RPL39: variants seen among roughly 807,000 people sequenced by gnomAD.
RPL39 encodes the protein ribosomal protein L39.
For missense variants in RPL39, 6 were observed against 37.2 expected (o/e 0.16, Z 2.18); for synonymous variants, 8 against 11.4 (o/e 0.70, Z 0.60).
At chrX:119,791,190 C>T (rs1253591288) in intron 1 of RPL39, 5 of 191,181 alleles carry the variant, frequency 2.6e-5, no homozygotes, top group African/African-American at 1.2e-4. Context: ...CCTGATTACC[C>T]TCCACGTTGC....
At chrX:119,791,118 T>A (rs1426215380) in intron 1 of RPL39, 1 of 131,958 alleles carries the variant, frequency 7.6e-6, no homozygotes, top group Non-Finnish European at 1.7e-5. Flanking sequence ...GATCTAAAAA[T>A]GCGGTTCGCT....
chrX:119,789,052 C>T (rs1444778484), intron 2 of RPL39, among the ~76,000 whole-genome samples: 1 of 111,097 alleles, frequency 9.0e-6, no homozygotes, highest in Non-Finnish European at 1.9e-5. Flanking sequence ...ATTGCTTGAG[C>T]TCAGGAGTTC....
intron 2 of RPL39, chrX:119,787,217 G>A (rs989938228): frequency 4.1e-5 from 11 of 266,942 alleles, no homozygotes; most frequent in South Asian, 4.0e-4. Flanking sequence ...GAACTGGCTG[G>A]ACTTCGAGAT....
In RPL39 at chrX:119,791,626, G is replaced by A. The variant is rs777045630; in HGVS notation, c.-50C>T. ...ACCACGATGGCGGAGAAAGGAAGAG[G>A]AGGGAAGCTGGCGGAAGAACGAGCT... On this transcript the variant is annotated 5_prime_UTR_variant, in exon 1 of 3. Coordinates refer to ENST00000361575, the MANE Select transcript of RPL39 (RefSeq NM_001000.4). The A allele has an allele frequency of 1.7e-5, 19 of 1,135,139 alleles. No homozygotes were observed. Among genetic ancestry groups the A allele is most frequent in the Admixed American group, 1.1e-4 (4 of 37,390 alleles). The allele number at this position is 1,135,139 out of a possible 1,213,427, so 93.5% of individuals were successfully genotyped here. A position where few individuals can be genotyped will look rare whatever the true frequency, so the allele number is the denominator to read the frequency against.
chrX:119,790,125 ATCT>A, intron 1 of RPL39, 114 bp from the exon 2 acceptor site: 1 of 453,070 alleles, frequency 2.2e-6, no homozygotes, highest in Admixed American at 3.4e-5. Context: ...CAGCCCCAAA[ATCT>A]TCTCAATGCT....
At chrX:119,786,792 T>C in intron 2 of RPL39, 60 bp from the exon 3 acceptor site, 1 of 938,884 alleles carries the variant, frequency 1.1e-6, no homozygotes, top group Non-Finnish European at 1.5e-6. Context: ...GCTGTTCCCA[T>C]TCACATAACC....
At chrX:119,791,540 C>T in intron 1 of RPL39, 34 bp downstream of exon 1, 1 of 1,121,774 alleles carries the variant, frequency 8.9e-7, no homozygotes, top group East Asian at 3.4e-5. Context: ...TTTTGGGAAG[C>T]CACCCCGGGG....
At chrX:119,788,602 T>C (rs2055681245) in intron 2 of RPL39, among the ~76,000 whole-genome samples, 1 of 110,014 alleles carries the variant, frequency 9.1e-6, no homozygotes, top group South Asian at 3.8e-4. Flanking sequence ...CTACAACAGG[T>C]ACACAAATTA....
rs1296435453 is a variant in RPL39 at position 119,786,558 on chromosome X, A to T, written c.*126T>A. 1 of 535,494 alleles carries T rather than the reference A, an allele frequency of 1.9e-6. No individual in the cohort carries two copies. The highest frequency in any genetic ancestry group is 3.2e-6 in the Non-Finnish European group (1 of 317,032). 44.1% of individuals were successfully genotyped at this position (535,494 alleles called of 1,213,427 possible). ...CTGAATCCAGCCAACCAACGTGTTCATAACAGATTCAGAGAGGAAAACACG... is the reference window on the plus strand; with the variant it reads ...CTGAATCCAGCCAACCAACGTGTTCTTAACAGATTCAGAGAGGAAAACACG... On this transcript the variant is annotated 3_prime_UTR_variant, in exon 3 of 3. Coordinates refer to ENST00000361575, the MANE Select transcript of RPL39 (RefSeq NM_001000.4).
chrX:119,786,623 T>C lies in RPL39; in HGVS notation c.*61A>G, dbSNP rs920062841. ...TAGTGGTGACATTTTCAGCTTGATA[T>C]GGTAACATGATCGTGACCTTCAGAC... On this transcript the variant is annotated 3_prime_UTR_variant, in exon 3 of 3. Coordinates refer to ENST00000361575, the MANE Select transcript of RPL39 (RefSeq NM_001000.4). 1.5e-5 allele frequency: 13 copies of C among 874,907 alleles called. No homozygotes were observed. The highest frequency in any genetic ancestry group is 2.2e-5 in the Non-Finnish European group (13 of 604,650). 72.1% of individuals were successfully genotyped at this position (874,907 alleles called of 1,213,427 possible).
At chrX:119,791,548 G>C (rs765727033) in intron 1 of RPL39, 26 bp downstream of exon 1, 13 of 1,149,401 alleles carry the variant, frequency 1.1e-5, no homozygotes, top group Non-Finnish European at 1.4e-5. Context: ...AGCCACCCCG[G>C]GGCCGATGGG....
At chrX:119,788,637 T>C (rs1282046473) in intron 2 of RPL39, among the ~76,000 whole-genome samples, 3 of 111,677 alleles carry the variant, frequency 2.7e-5, no homozygotes, top group Non-Finnish European at 5.6e-5. Flanking sequence ...TGAACGCCTG[T>C]AGTCCCAGCT....
chrX:119,787,908 T>C (rs139642888), intron 2 of RPL39, among the ~76,000 whole-genome samples: 1,486 of 111,407 alleles, frequency 0.013, 17 homozygotes, highest in African/African-American at 0.046. Flanking sequence ...TCCTCCTGCG[T>C]TGGCCTCTCC....
At chrX:119,790,243 T>A in intron 1 of RPL39, 1 of 316,591 alleles carries the variant, frequency 3.2e-6, no homozygotes, top group South Asian at 6.6e-5. Flanking sequence ...TTAAGAAACA[T>A]GCACAAAATC....
At chrX:119,789,245 C>T (rs1031308599) in intron 2 of RPL39, among the ~76,000 whole-genome samples, 12 of 111,383 alleles carry the variant, frequency 1.1e-4, no homozygotes, top group African/African-American at 6.5e-5. Flanking sequence ...TAAAACAGAA[C>T]AAGATCCTGT....
chrX:119,791,498 C>A lies in RPL39; in HGVS notation c.3+76G>T, dbSNP rs191414667. ...GGCTCCCGCCCCTCAACGCTCCGCG[C>A]GGCCCAGGCATTTCCTGGCAGCGGC... On this transcript the variant is annotated intron_variant, in intron 1 of 2. Transcript: ENST00000361575. 9 of 974,139 alleles carry A rather than the reference C, an allele frequency of 9.2e-6. No individual in the cohort carries two copies. In the Admixed American group the frequency reaches 2.9e-4, roughly 32 times the overall value. 80.3% of individuals were successfully genotyped at this position (974,139 alleles called of 1,213,427 possible).
rs1476090204 is a variant in RPL39 at position 119,791,608 on chromosome X, T to C, written c.-32A>G. 1 of 1,163,004 alleles carries C rather than the reference T, an allele frequency of 8.6e-7. No individual in the cohort carries two copies. Among genetic ancestry groups the C allele is most frequent in the Non-Finnish European group, 1.1e-6 (1 of 870,255 alleles). On this transcript the variant is annotated 5_prime_UTR_variant, in exon 1 of 3. Coordinates refer to ENST00000361575, the MANE Select transcript of RPL39 (RefSeq NM_001000.4). ...CAGCGGAGTCAAGAACACACCACGATGGCGGAGAAAGGAAGAGGAGGGAAG... is the reference window on the plus strand; with the variant it reads ...CAGCGGAGTCAAGAACACACCACGACGGCGGAGAAAGGAAGAGGAGGGAAG...
chrX:119,786,764 C>T (rs778920285), intron 2 of RPL39, 32 bp from the exon 3 acceptor site: 2 of 1,120,371 alleles, frequency 1.8e-6, no homozygotes, highest in African/African-American at 1.8e-5. Flanking sequence ...GTTACAAAGG[C>T]AGTCTGACAG....
At chrX:119,789,212 GGA>G (rs1307826641) in intron 2 of RPL39, among the ~76,000 whole-genome samples, 2 of 111,109 alleles carry the variant, frequency 1.8e-5, no homozygotes, top group Admixed American at 1.9e-4. Context: ...GAGGTTGCAG[GGA>G]GATAGTGTCA....
Sources: gnomAD v4.1 joint callset for allele counts (sites outside exome capture counted in the v4.1 genomes callset) on GRCh38, gnomAD v4.1.1 for gene constraint, MANE v1.5 for transcripts, NCBI Gene and HGNC (gene_info 2026-07-23, HGNC 2026-07-21) for gene names.